Variants in EEPD1 observed in about 807,000 individuals in gnomAD.
EEPD1 encodes the protein endonuclease/exonuclease/phosphatase family domain containing 1, also known as endonuclease/exonuclease/phosphatase family domain-containing protein 1.
In EEPD1, 17 loss-of-function variants were observed where a neutral mutation model predicts 46.3. The observed-to-expected ratio is 0.37, with a 90% CI of 0.25 to 0.55. The LOEUF is 0.55. EEPD1 is among the 20% of genes least tolerant of loss of function. EEPD1 has a pLI of 0.83. For missense variants in EEPD1, 673 were observed against 745.6 expected (o/e 0.90, Z 1.13); for synonymous variants, 313 against 315.6 (o/e 0.99, Z 0.09).
At chr7:36,169,276 G>A (rs1037684587) in intron 2 of EEPD1, among the ~76,000 whole-genome samples, 1 of 152,108 alleles carries the variant, frequency 6.6e-6, no homozygotes, top group Non-Finnish European at 1.5e-5. Flanking sequence ...TTTATTTTAT[G>A]TTAATTTAAG....
chr7:36,177,090 T>C (rs1017889831), intron 2 of EEPD1, among the ~76,000 whole-genome samples: 2 of 152,150 alleles, frequency 1.3e-5, no homozygotes, highest in African/African-American at 4.8e-5. Flanking sequence ...GTTCTAAAAT[T>C]GGATTGTGGT....
intron 3 of EEPD1, among the ~76,000 whole-genome samples, chr7:36,268,190 C>T (rs767233916): frequency 7.2e-5 from 11 of 152,104 alleles, no homozygotes; most frequent in African/African-American, 9.7e-5. Flanking sequence ...CTTGCTCTGT[C>T]GCCCAGGCTG....
At chr7:36,243,923 G>A (rs1228341332) in intron 3 of EEPD1, among the ~76,000 whole-genome samples, 4 of 151,408 alleles carry the variant, frequency 2.6e-5, no homozygotes, top group Non-Finnish European at 4.4e-5. Flanking sequence ...GGGAGGGATA[G>A]CATTAGAAGA....
At chr7:36,275,755 C>G (rs920667946) in intron 3 of EEPD1, among the ~76,000 whole-genome samples, 1 of 152,146 alleles carries the variant, frequency 6.6e-6, no homozygotes, top group African/African-American at 2.4e-5. Context: ...CCACTGCGCC[C>G]GAACCACCTT....
intron 2 of EEPD1, among the ~76,000 whole-genome samples, chr7:36,184,006 G>A (rs1159606574): frequency 1.3e-5 from 2 of 151,858 alleles, no homozygotes; most frequent in African/African-American, 4.8e-5. Flanking sequence ...AGGTTCTTCT[G>A]GACTTGATTT....
intron 3 of EEPD1, among the ~76,000 whole-genome samples, chr7:36,258,885 GAAAAAAAA>G (rs35478776): frequency 5.2e-5 from 6 of 115,114 alleles, no homozygotes; most frequent in South Asian, 3.0e-4. Context: ...ACTGGGGTAT[GAAAAAAAA>G]AAAAAAAAAA....
At chr7:36,240,158 C>T (rs1044116385) in intron 3 of EEPD1, among the ~76,000 whole-genome samples, 1 of 152,168 alleles carries the variant, frequency 6.6e-6, no homozygotes, top group Non-Finnish European at 1.5e-5. Context: ...GGTCCCAATT[C>T]CGCAGGAGGC....
At chr7:36,283,165 C>T (rs1052956503) in intron 4 of EEPD1, among the ~76,000 whole-genome samples, 8 of 152,172 alleles carry the variant, frequency 5.3e-5, no homozygotes, top group Non-Finnish European at 1.5e-5. Context: ...CGGACCTGAG[C>T]CCAGTTCACT....
intron 2 of EEPD1, among the ~76,000 whole-genome samples, chr7:36,220,306 T>C (rs1163862211): frequency 6.6e-6 from 1 of 152,102 alleles, no homozygotes; most frequent in African/African-American, 2.4e-5. Context: ...TGAAAGCATG[T>C]TGAAAAACTT....
chr7:36,291,868 G>C (rs1161603259), intron 6 of EEPD1, among the ~76,000 whole-genome samples: 1 of 152,222 alleles, frequency 6.6e-6, no homozygotes, highest in Non-Finnish European at 1.5e-5. Context: ...GCAGAGCCCA[G>C]GGGAATCCCG....
chr7:36,274,912 A>G (rs1356614200), intron 3 of EEPD1, among the ~76,000 whole-genome samples: 2 of 152,202 alleles, frequency 1.3e-5, no homozygotes, highest in African/African-American at 4.8e-5. Context: ...TATTCTAATG[A>G]AAGTTCAGTC....
intron 3 of EEPD1, among the ~76,000 whole-genome samples, chr7:36,246,299 T>C (rs543420607): frequency 6.6e-6 from 1 of 152,326 alleles, no homozygotes; most frequent in East Asian, 1.9e-4. Context: ...TGGTGGGGGT[T>C]GAAGCCAGCC....
chr7:36,215,154 G>A (rs942979279), intron 2 of EEPD1, among the ~76,000 whole-genome samples: 2 of 152,218 alleles, frequency 1.3e-5, no homozygotes, highest in African/African-American at 4.8e-5. Flanking sequence ...TTGAAGACAC[G>A]GGTGAGATGC....
At position 36,154,355 on chromosome 7, in the gene EEPD1, A is replaced by C; in HGVS notation, c.31A>C (p.Ile11Leu). 1 of 1,612,674 alleles carries C rather than the reference A, an allele frequency of 6.2e-7. No individual in the cohort carries two copies. Among genetic ancestry groups the C allele is most frequent in the Non-Finnish European group, 8.5e-7 (1 of 1,179,976 alleles). MGSTLGCHRS[I>L]PRDPSDLSHS... ...GAGCACCCTGGGCTGCCACCGCTCCATCCCCAGGGACCCCTCGGACCTGTC... is the reference window on the plus strand; with the variant it reads ...GAGCACCCTGGGCTGCCACCGCTCCCTCCCCAGGGACCCCTCGGACCTGTC... Residue 11 changes from isoleucine to leucine, a missense_variant, in exon 2 of 8, where the codon ATC (isoleucine) becomes CTC (leucine). Ile to Leu is a conservative substitution (Grantham distance 5). Transcript: ENST00000242108. This position sits in a 1 kb window ranked among gnomAD's most constrained non-coding sequence, Gnocchi z 4.2.
intron 3 of EEPD1, among the ~76,000 whole-genome samples, chr7:36,269,931 G>A (rs975862542): frequency 1.3e-5 from 2 of 152,192 alleles, no homozygotes; most frequent in African/African-American, 4.8e-5. Flanking sequence ...ATGTTTCATA[G>A]TGATTAGAAA....
intron 3 of EEPD1, among the ~76,000 whole-genome samples, chr7:36,269,324 A>G (rs752045898): frequency 2.0e-5 from 3 of 152,206 alleles, no homozygotes; most frequent in Non-Finnish European, 2.9e-5. Context: ...TAAGCTATTT[A>G]TGAAGACTCT....
intron 3 of EEPD1, among the ~76,000 whole-genome samples, chr7:36,243,065 G>T (rs534201022): frequency 1.3e-5 from 2 of 152,144 alleles, no homozygotes; most frequent in Non-Finnish European, 2.9e-5. Flanking sequence ...ATAGAACTGC[G>T]CTACTCGAAG....
rs117111064 is a variant in EEPD1 at position 36,177,879 on chromosome 7, A to G, written c.878+22677A>G. Reference sequence around the variant, plus strand: ...CGGGTGCGCACCTCCATGCCCGGCTATGTTTTGCATTTTTAGTAGAGACGG... The same window carrying G: ...CGGGTGCGCACCTCCATGCCCGGCTGTGTTTTGCATTTTTAGTAGAGACGG... On this transcript the variant is annotated intron_variant, in intron 2 of 7. Transcript: ENST00000242108. 4.2e-3 allele frequency among the ~76,000 whole-genome samples: 646 copies of G among 152,024 alleles called. 8 individuals carry two copies. Among genetic ancestry groups the G allele is most frequent in the African/African-American group, 0.015 (622 of 41,462 alleles).
intron 3 of EEPD1, among the ~76,000 whole-genome samples, chr7:36,240,564 A>G (rs1786540808): frequency 1.3e-5 from 2 of 152,262 alleles, no homozygotes; most frequent in Non-Finnish European, 2.9e-5. Context: ...AATTCTTAAT[A>G]TGCATTCAGC....
Sources: gnomAD v4.1 joint callset for allele counts (sites outside exome capture counted in the v4.1 genomes callset) on GRCh38, gnomAD v4.1.1 for gene constraint, Gnocchi (gnomAD v3.1) non-coding constraint, MANE v1.5 for transcripts, NCBI Gene and HGNC (gene_info 2026-07-23, HGNC 2026-07-21) for gene names.